Variants in ZGRF1 observed in about 807,000 individuals in gnomAD.
ZGRF1 encodes the protein zinc finger GRF-type containing 1.
A neutral mutation model predicts 203.5 loss-of-function variants in ZGRF1; 196 were observed. The ratio of observed to expected loss-of-function variants is 0.96; its 90% CI spans 0.86 to 1.08. ZGRF1 has a LOEUF of 1.08. ZGRF1 is among the 50% of genes least tolerant of loss of function. ZGRF1 has a pLI of 0.00. For synonymous variants in ZGRF1, 809 were observed against 841.3 expected (o/e 0.96, Z 0.66); for missense variants, 2,326 against 2,416.3 (o/e 0.96, Z 0.78).
At chr4:112,613,627 T>A (rs2046769699) in intron 6 of ZGRF1, among the ~76,000 whole-genome samples, 1 of 152,128 alleles carries the variant, frequency 6.6e-6, no homozygotes, top group African/African-American at 2.4e-5. Context: ...TAAGTTGAGA[T>A]GAAGAAAAAA....
chr4:112,582,275 C>T (rs1168753223), intron 15 of ZGRF1, among the ~76,000 whole-genome samples: 3 of 146,884 alleles, frequency 2.0e-5, no homozygotes, highest in Non-Finnish European at 4.5e-5. Flanking sequence ...ACTATAATTT[C>T]CCTACTGTAT....
At position 112,584,009 on chromosome 4, in the gene ZGRF1, G is replaced by A; in HGVS notation, c.4267C>T (p.Pro1423Ser). 1.9e-6 allele frequency: 3 copies of A among 1,607,388 alleles called. No homozygotes were observed. Among genetic ancestry groups the A allele is most frequent in the Non-Finnish European group, 2.5e-6 (3 of 1,177,858 alleles). The change falls in exon 15 of 28, where the codon CCA becomes TCA. Residue 1423 changes from proline (P) to serine (S), a missense_variant. Physicochemically the swap from Pro to Ser is moderately conservative, Grantham distance 74. Coordinates refer to ENST00000505019, the MANE Select transcript of ZGRF1 (RefSeq NM_018392.5). ...AAAAGCTGGCATTCCTCATAAAGTG[G>A]TATCTTTTGACTTCTTAAATATAAG... ...IGLYLRSQKI[P>S]LYEECQLLVR...
At chr4:112,575,253 T>C (rs1319002552) in intron 16 of ZGRF1, among the ~76,000 whole-genome samples, 1 of 152,162 alleles carries the variant, frequency 6.6e-6, no homozygotes, top group Non-Finnish European at 1.5e-5. Flanking sequence ...GTTTCTCGTA[T>C]CCCTTTTAAT....
chr4:112,619,813 A>G lies in ZGRF1; in HGVS notation c.352-123T>C, dbSNP rs1237845714. 1.4e-4 allele frequency: 134 copies of G among 962,760 alleles called. 1 individual carries two copies. Among genetic ancestry groups the G allele is most frequent in the Non-Finnish European group, 1.9e-4 (130 of 668,566 alleles). 59.6% of individuals were successfully genotyped at this position (962,760 alleles called of 1,614,324 possible). A position where few individuals can be genotyped will look rare whatever the true frequency, so the allele number is the denominator to read the frequency against. On this transcript the variant is annotated intron_variant, in intron 5 of 27. Coordinates refer to ENST00000505019, the MANE Select transcript of ZGRF1 (RefSeq NM_018392.5). ...TTTGCCTAAGGTAAAGTAATAATTC[A>G]GATTTAAAGTTTGTCAAAGTACATT...
At chr4:112,594,446 G>A (rs1473593222) in intron 10 of ZGRF1, among the ~76,000 whole-genome samples, 13 of 149,712 alleles carry the variant, frequency 8.7e-5, no homozygotes, top group Admixed American at 5.3e-4. Flanking sequence ...TTTTGTTTTC[G>A]GTTTGGTTTT....
chr4:112,589,496 C>T (rs911656845), intron 11 of ZGRF1: 2 of 540,190 alleles, frequency 3.7e-6, no homozygotes, highest in Non-Finnish European at 3.3e-6. Flanking sequence ...TCTGTGTTGA[C>T]AAAGTTGGGA....
At chr4:112,620,439 C>A (rs1026462151) in intron 4 of ZGRF1, among the ~76,000 whole-genome samples, 3 of 152,160 alleles carry the variant, frequency 2.0e-5, no homozygotes, top group Non-Finnish European at 4.4e-5. Flanking sequence ...TAGAGCTAGG[C>A]GTGGTAGCTC....
At chr4:112,564,024 A>G (rs2148905238) in intron 16 of ZGRF1, among the ~76,000 whole-genome samples, 1 of 152,282 alleles carries the variant, frequency 6.6e-6, no homozygotes, top group African/African-American at 2.4e-5. Context: ...GTGGGAACGG[A>G]CGGCAGGGAA....
chr4:112,589,793 C>G lies in ZGRF1; in HGVS notation c.3058G>C (p.Val1020Leu). ...TTCAGGGACGTCTCAGAGAATTCTA[C>G]CATGAAGTCTTCATCTCTTGAGTTC... is the stretch of plus-strand genomic sequence containing the variant. Reference protein sequence around the residue: ...SLNSRDEDFMVEFSETSLKAR... With the variant: ...SLNSRDEDFMLEFSETSLKAR... The change falls in exon 11 of 28, where the codon GTA becomes CTA. Residue 1020 changes from valine to leucine, a missense_variant. Coordinates refer to ENST00000505019, the MANE Select transcript of ZGRF1 (RefSeq NM_018392.5). 1 of 1,613,290 alleles carries G rather than the reference C, an allele frequency of 6.2e-7. No homozygotes were observed. The highest frequency in any genetic ancestry group is 8.5e-7 in the Non-Finnish European group (1 of 1,179,418).
chr4:112,610,175 A>C (rs536531022), intron 7 of ZGRF1, among the ~76,000 whole-genome samples: 1 of 152,172 alleles, frequency 6.6e-6, no homozygotes, highest in African/African-American at 2.4e-5. Context: ...TCCTGATAAA[A>C]CAGTATTGTC....
chr4:112,636,154 C>G (rs549502776), intron 1 of ZGRF1, among the ~76,000 whole-genome samples: 114 of 152,288 alleles, frequency 7.5e-4, no homozygotes, highest in African/African-American at 2.5e-3. Flanking sequence ...GTCTACCAGA[C>G]AATTCACCTG....
chr4:112,583,884 C>G, intron 15 of ZGRF1, 94 bp downstream of exon 15: 2 of 762,590 alleles, frequency 2.6e-6, no homozygotes, highest in Non-Finnish European at 4.0e-6. Context: ...AATAGTTTTC[C>G]TATCTTAATC....
chr4:112,540,936 A>C lies in ZGRF1; in HGVS notation c.5795T>G (p.Phe1932Cys). ...GLEQIERDNS[F>C]HNVAEATFTL... ...AAACGTAGCTTCTGCCACATTATGA[A>C]AGCTGTTATCTCTTTCTATCTGGAG... is the stretch of plus-strand genomic sequence containing the variant. Residue 1932 changes from phenylalanine (F) to cysteine (C), a missense_variant, in exon 26 of 28, where the codon TTT becomes TGT. By Grantham distance (205) the Phe-to-Cys change is radical (BLOSUM62 -2). Coordinates refer to ENST00000505019, the MANE Select transcript of ZGRF1 (RefSeq NM_018392.5). 1 of 1,572,760 alleles carries C rather than the reference A, an allele frequency of 6.4e-7. No homozygotes were observed.
intron 1 of ZGRF1, among the ~76,000 whole-genome samples, chr4:112,635,667 C>T (rs2047586516): frequency 6.7e-6 from 1 of 149,340 alleles, no homozygotes; most frequent in Non-Finnish European, 1.5e-5. Flanking sequence ...ATATGATTAT[C>T]GTGTGTAATT....
At chr4:112,609,672 T>C (rs1751292307) in intron 7 of ZGRF1, among the ~76,000 whole-genome samples, 1 of 151,548 alleles carries the variant, frequency 6.6e-6, no homozygotes, top group African/African-American at 2.4e-5. Flanking sequence ...CCGGGTGTGG[T>C]GGCACACCCC....
chr4:112,553,895 G>T lies in ZGRF1; in HGVS notation c.5286C>A (p.Val1762=). 6.2e-7 allele frequency: 1 copy of T among 1,613,578 alleles called. No individual in the cohort carries two copies. Among genetic ancestry groups the T allele is most frequent in the African/African-American group, 1.3e-5 (1 of 75,026 alleles). ...MKEDLTPTER[V]YVRKSIEQHK... ...GCTGCTCAATGCTTTTTCTCACATA[G>T]ACTCTTTCCGTAGGAGTCAGGTCTT... The change falls in exon 22 of 28, where the codon GTC becomes GTA. Residue 1762 remains valine, a synonymous_variant. Coordinates refer to ENST00000505019, the MANE Select transcript of ZGRF1 (RefSeq NM_018392.5).
At position 112,587,474 on chromosome 4, in the gene ZGRF1, T is replaced by G. The variant is rs1747387110; in HGVS notation, c.3583A>C (p.Ser1195Arg). ...SERQSDAVNE[S>R]SLDSVHLQMI... ...TGCAAATGCACAGAGTCTAAAGAGC[T>G]TTCATTGACAGCATCACTCTGTCTT... The change falls in exon 12 of 28, where the codon AGC (serine) becomes CGC (arginine). Residue 1195 changes from serine to arginine, a missense_variant. By Grantham distance (110) the Ser-to-Arg change is moderately radical. Transcript: ENST00000505019. 2 of 1,613,982 alleles carry G rather than the reference T, an allele frequency of 1.2e-6. No individual in the cohort carries two copies. The highest frequency in any genetic ancestry group is 1.7e-6 in the Non-Finnish European group (2 of 1,179,864).
rs2148803574 is a variant in ZGRF1, at chr4:112,541,092, C to T, written c.5775G>A (p.Gln1925=). The T allele has an allele frequency of 1.3e-6, 2 of 1,579,940 alleles. No homozygotes were observed. Among genetic ancestry groups the T allele is most frequent in the Non-Finnish European group, 8.6e-7 (1 of 1,161,034 alleles). ...LCFYNVKGLE[Q]IERDNSFHNV... is the part of the protein sequence containing the mutation. The stretch of plus-strand genomic sequence containing the variant: ...TCTCATCAACATTAATGTCATTTAC[C>T]TGTTCTAGTCCTTTAACATTATAAA... The change falls in exon 25 of 28, where the codon CAG becomes CAA. Residue 1925 remains glutamine (Q), a splice_region_variant and synonymous_variant. Transcript: ENST00000505019.
chr4:112,557,401 C>G (rs1741136443), intron 20 of ZGRF1, among the ~76,000 whole-genome samples: 1 of 152,286 alleles, frequency 6.6e-6, no homozygotes, highest in Non-Finnish European at 1.5e-5. Flanking sequence ...TGTTGAACTT[C>G]TGACATCAAG....
Sources: allele counts gnomAD v4.1 joint callset (sites outside exome capture counted in the v4.1 genomes callset), GRCh38; gene constraint gnomAD v4.1.1; transcripts MANE v1.5; gene names NCBI Gene and HGNC (gene_info 2026-07-23, HGNC 2026-07-21).